RBFOX1: variants seen among roughly 807,000 people sequenced by gnomAD.
RBFOX1 encodes RNA binding protein fox-1 homolog 1.
RBFOX1 carries 8 observed loss-of-function variants against 57.7 expected under a neutral mutation model. That is an observed-to-expected ratio of 0.14 (90% CI 0.08 to 0.25). RBFOX1 has a LOEUF of 0.25. RBFOX1 is among the 10% of genes least tolerant of loss of function. RBFOX1 has a pLI of 1.00. For missense variants in RBFOX1, 611 were observed against 548.5 expected (o/e 1.11, Z -1.14); for synonymous variants, 326 against 222.4 (o/e 1.47, Z -4.15).
chr16:6,961,514 G>C (rs1480699779), intron 3 of RBFOX1, among the ~76,000 whole-genome samples: 1 of 152,214 alleles, frequency 6.6e-6, no homozygotes, highest in African/African-American at 2.4e-5. Context: ...GAATCAGAGC[G>C]AGTCCGTAAA....
chr16:6,262,394 G>A (rs766327644), intron 1 of RBFOX1, among the ~76,000 whole-genome samples: 1 of 152,086 alleles, frequency 6.6e-6, no homozygotes, highest in African/African-American at 2.4e-5. Flanking sequence ...TTATGGCGGT[G>A]GGGGGTGGTG....
Position 7,503,914 on chromosome 16 carries a change from C to T in RBFOX1, c.28-14233C>T, listed in dbSNP as rs532883629. The stretch of plus-strand genomic sequence containing the variant: ...GGTGATGGTTGGTTGGTATTGATAG[C>T]CAAGTACTTACTACAGCTGAGCTTT... On this transcript the variant is annotated intron_variant, in intron 4 of 15. Coordinates refer to ENST00000550418, the MANE Select transcript of RBFOX1 (RefSeq NM_018723.4). 3.9e-5 allele frequency among the ~76,000 whole-genome samples: 6 copies of T among 152,168 alleles called. No homozygotes were observed. In the South Asian group the frequency reaches 1.2e-3, roughly 32 times the overall value.
Position 7,064,386 on chromosome 16 carries a change from C to G in RBFOX1, c.27+12288C>G, listed in dbSNP as rs374302759. Among the ~76,000 whole-genome samples, 64 of 152,184 alleles carry G rather than the reference C, an allele frequency of 4.2e-4. 1 individual carries two copies. The highest frequency in any genetic ancestry group is 1.5e-3 in the African/African-American group (63 of 41,516). ...GTTTCACCATGTTGCCCAGGCTGGT[C>G]TTGAACCCCTGACCTCAGGTGAGCT... On this transcript the variant is annotated intron_variant, in intron 4 of 15. Coordinates refer to ENST00000550418, the MANE Select transcript of RBFOX1 (RefSeq NM_018723.4).
At chr16:6,795,286 T>A (rs1437304237) in intron 3 of RBFOX1, among the ~76,000 whole-genome samples, 3 of 152,138 alleles carry the variant, frequency 2.0e-5, no homozygotes, top group Non-Finnish European at 2.9e-5. Flanking sequence ...AGAAGGGGCC[T>A]TGAGAGCTCA....
In RBFOX1 at chr16:6,566,566, C is replaced by T. The variant is rs76691780; in HGVS notation, c.-63-88037C>T. On this transcript the variant is annotated intron_variant, in intron 2 of 15. Coordinates refer to ENST00000550418, the MANE Select transcript of RBFOX1 (RefSeq NM_018723.4). ...TTATCCCTTGACTATTTGTCGAGAC[C>T]TTTGTTTGCCGAAATACTGCTTTAT... Among the ~76,000 whole-genome samples the T allele has an allele frequency of 2.0e-5, 3 of 152,096 alleles. No individual in the cohort carries two copies. The South Asian group carries it at 6.2e-4, about 32-fold the overall frequency.
chr16:7,484,143 C>A (rs747861884), intron 4 of RBFOX1, among the ~76,000 whole-genome samples: 1 of 151,904 alleles, frequency 6.6e-6, no homozygotes, highest in African/African-American at 2.4e-5. Context: ...TGAGATTCAG[C>A]CATAATTGTT....
intron 2 of RBFOX1, among the ~76,000 whole-genome samples, chr16:6,353,350 G>T (rs1234253782): frequency 1.3e-5 from 2 of 151,744 alleles, no homozygotes; most frequent in Admixed American, 6.6e-5. Flanking sequence ...TTCTGTGCTT[G>T]TTTGTTTTTT....
chr16:7,042,296 G>T (rs185922322), intron 3 of RBFOX1, among the ~76,000 whole-genome samples: 1 of 152,318 alleles, frequency 6.6e-6, no homozygotes, highest in African/African-American at 2.4e-5. Context: ...AGGGCTAACA[G>T]TGTAGGTATC....
At chr16:6,435,501 C>T (rs111517018) in intron 2 of RBFOX1, among the ~76,000 whole-genome samples, 68 of 152,100 alleles carry the variant, frequency 4.5e-4, no homozygotes, top group African/African-American at 1.6e-3. Context: ...GTGGGGTTTC[C>T]CCATGTTGGC....
At chr16:6,193,427 A>AGTATATATATAT in intron 1 of RBFOX1, among the ~76,000 whole-genome samples, 1 of 61,160 alleles carries the variant, frequency 1.6e-5, no homozygotes, top group African/African-American at 5.5e-5. Context: ...TATATATATA[A>AGTATATATATAT]AATTCAGTGA....
At chr16:7,079,263 C>T (rs1598889348) in intron 4 of RBFOX1, among the ~76,000 whole-genome samples, 1 of 152,284 alleles carries the variant, frequency 6.6e-6, no homozygotes, top group South Asian at 2.1e-4. Flanking sequence ...ACATCTGGCT[C>T]TGCCCCAACT....
chr16:6,658,544 CTTCT>C (rs1011292575), intron 3 of RBFOX1, among the ~76,000 whole-genome samples: 1 of 152,126 alleles, frequency 6.6e-6, no homozygotes, highest in African/African-American at 2.4e-5. Flanking sequence ...TAAAATCATT[CTTCT>C]TTATCTGCGC....
intron 2 of RBFOX1, among the ~76,000 whole-genome samples, chr16:6,381,489 A>T (rs1461588024): frequency 6.6e-6 from 1 of 152,216 alleles, no homozygotes; most frequent in Non-Finnish European, 1.5e-5. Flanking sequence ...ATCAGCGCTG[A>T]TAGAGGCTTA....
At chr16:5,490,885 G>T (rs1427089367) in intron 2 of RBFOX1, among the ~76,000 whole-genome samples, 2 of 152,162 alleles carry the variant, frequency 1.3e-5, no homozygotes, top group African/African-American at 4.8e-5. Context: ...GATACGTCCT[G>T]GGAGGTGCGT....
chr16:6,093,945 C>G (rs530262827), intron 1 of RBFOX1, among the ~76,000 whole-genome samples: 16 of 152,292 alleles, frequency 1.1e-4, no homozygotes, highest in African/African-American at 3.1e-4. Flanking sequence ...AAGTCATATT[C>G]TTCCTCTTCT....
At chr16:5,579,509 C>T (rs147187050) in intron 2 of RBFOX1, among the ~76,000 whole-genome samples, 3 of 152,260 alleles carry the variant, frequency 2.0e-5, no homozygotes, top group Admixed American at 1.3e-4. Flanking sequence ...CTTCAACCCT[C>T]CTGCTGCTCA....
chr16:6,681,712 C>G (rs910963405), intron 3 of RBFOX1, among the ~76,000 whole-genome samples: 1 of 150,778 alleles, frequency 6.6e-6, no homozygotes, highest in African/African-American at 2.4e-5. Flanking sequence ...GTAAAATGTT[C>G]AAACTTATCT....
intron 3 of RBFOX1, among the ~76,000 whole-genome samples, chr16:6,919,005 G>A (rs1373652004): frequency 1.3e-5 from 2 of 152,138 alleles, no homozygotes; most frequent in African/African-American, 4.8e-5. Flanking sequence ...TTTTGAGGCA[G>A]AGTGTTGCTC....
intron 3 of RBFOX1, among the ~76,000 whole-genome samples, chr16:5,755,320 A>C (rs1407793098): frequency 6.6e-6 from 1 of 152,010 alleles, no homozygotes; most frequent in Non-Finnish European, 1.5e-5. Context: ...CTACACAGAC[A>C]CAGTAACAAT....
Sources: allele counts gnomAD v4.1 joint callset (sites outside exome capture counted in the v4.1 genomes callset), GRCh38; gene constraint gnomAD v4.1.1; transcripts MANE v1.5; gene names NCBI Gene and HGNC (gene_info 2026-07-23, HGNC 2026-07-21).